XIRP2: variants seen among roughly 807,000 people sequenced by gnomAD.
XIRP2 encodes xin actin binding repeat containing 2, also known as xin actin-binding repeat-containing protein 2.
A neutral mutation model predicts 277.0 loss-of-function variants in XIRP2; 236 were observed. That is an observed-to-expected ratio of 0.85 (90% CI 0.77 to 0.95). The LOEUF is 0.95. Among genes scored for constraint, XIRP2 ranks in the 40% least tolerant of loss-of-function variants. The probability of loss-of-function intolerance (pLI) is 0.00; values close to 1 mark genes in which losing one functional copy is unlikely to be tolerated. For missense variants in XIRP2, 4,640 were observed against 4,157.5 expected (o/e 1.12, Z -3.19); for synonymous variants, 1,490 against 1,416.5 (o/e 1.05, Z -1.17).
intron 2 of XIRP2, among the ~76,000 whole-genome samples, chr2:167,006,728 T>G (rs1687513465): frequency 6.6e-6 from 1 of 151,712 alleles, no homozygotes; most frequent in South Asian, 2.1e-4. Flanking sequence ...TAAAAAATCC[T>G]TAGGGTGAAT....
At chr2:166,963,964 T>C (rs1686362799) in intron 2 of XIRP2, among the ~76,000 whole-genome samples, 1 of 151,674 alleles carries the variant, frequency 6.6e-6, no homozygotes, top group African/African-American at 2.4e-5. Flanking sequence ...GTTCTAAAGT[T>C]AAAGGAGGAA....
At chr2:167,079,651 A>T (rs116775761) in intron 2 of XIRP2, among the ~76,000 whole-genome samples, 2,151 of 151,932 alleles carry the variant, frequency 0.014, 58 homozygotes, top group African/African-American at 0.05. Flanking sequence ...CTCTCTGAGG[A>T]TCTTTTTTAT....
chr2:167,244,818 C>G lies in XIRP2; in HGVS notation c.3426C>G (p.Asp1142Glu), dbSNP rs1695195530. 6.2e-7 allele frequency: 1 copy of G among 1,613,624 alleles called. No homozygotes were observed. The highest frequency in any genetic ancestry group is 8.5e-7 in the Non-Finnish European group (1 of 1,179,724). The change falls in exon 9 of 11, where the codon GAC (aspartate) becomes GAG (glutamate). Residue 1142 changes from aspartate to glutamate, a missense_variant. By Grantham distance (45) the Asp-to-Glu change is conservative. Coordinates refer to ENST00000409195, the MANE Select transcript of XIRP2 (RefSeq NM_152381.6). ...ETQPLDTIKD[D>E]SETAVKLQTV... is the part of the protein sequence containing the mutation. ...AGCCACTTGATACCATAAAAGATGACTCTGAAACAGCAGTCAAATTGCAAA... is the reference window on the plus strand; with the variant it reads ...AGCCACTTGATACCATAAAAGATGAGTCTGAAACAGCAGTCAAATTGCAAA...
intron 4 of XIRP2, among the ~76,000 whole-genome samples, chr2:167,215,045 G>T (rs1048282712): frequency 6.6e-6 from 1 of 152,080 alleles, no homozygotes; most frequent in South Asian, 2.1e-4. Context: ...AAACAGCAAG[G>T]TTCTTCTTAA....
chr2:167,035,850 G>T (rs866195504), intron 2 of XIRP2, among the ~76,000 whole-genome samples: 1 of 152,162 alleles, frequency 6.6e-6, no homozygotes, highest in African/African-American at 2.4e-5. Flanking sequence ...TTAACCCATG[G>T]CCCCTATGCT....
At position 167,214,222 on chromosome 2, in the gene XIRP2, G is replaced by GGAAGGA. The variant is rs1559024035; in HGVS notation, c.723+3327_723+3328insGAAGGA. Among the ~76,000 whole-genome samples, 26 of 68,448 alleles carry GGAAGGA rather than the reference G, an allele frequency of 3.8e-4. 1 individual carries two copies. Among genetic ancestry groups the GGAAGGA allele is most frequent in the African/African-American group, 2.5e-3 (22 of 8,842 alleles). 44.9% of individuals were successfully genotyped at this position (68,448 alleles called of 152,430 possible). A position where few individuals can be genotyped will look rare whatever the true frequency, so the allele number is the denominator to read the frequency against. ...AGAGAAAGAGAGGGAGGGAGGGAGG[G>GGAAGGA]AGGGAGGAAGGAAGGAAGGAAGGAA... On this transcript the variant is annotated intron_variant, in intron 4 of 10. Coordinates refer to ENST00000409195, the MANE Select transcript of XIRP2 (RefSeq NM_152381.6).
intron 2 of XIRP2, among the ~76,000 whole-genome samples, chr2:167,031,289 G>A (rs925912058): frequency 6.6e-6 from 1 of 152,020 alleles, no homozygotes; most frequent in East Asian, 1.9e-4. Flanking sequence ...TCATAGTGTT[G>A]ATGGTCTTTA....
At chr2:167,069,024 A>G (rs1251799163) in intron 2 of XIRP2, among the ~76,000 whole-genome samples, 1 of 152,114 alleles carries the variant, frequency 6.6e-6, no homozygotes, top group African/African-American at 2.4e-5. Context: ...TTGTCCCTCA[A>G]TATCCATGGA....
At chr2:167,053,484 T>G (rs548082151) in intron 2 of XIRP2, among the ~76,000 whole-genome samples, 1 of 152,266 alleles carries the variant, frequency 6.6e-6, no homozygotes, top group African/African-American at 2.4e-5. Context: ...TTTATTAATC[T>G]CTGTATGTCA....
At chr2:166,889,836 T>G (rs182751868) in intron 1 of XIRP2, 1 of 102,220 alleles carries the variant, frequency 9.8e-6, no homozygotes, top group East Asian at 2.3e-4. Flanking sequence ...TTTCTTCCCC[T>G]TTTTGGGGTA....
At chr2:167,054,975 T>C (rs910019563) in intron 2 of XIRP2, among the ~76,000 whole-genome samples, 4 of 152,226 alleles carry the variant, frequency 2.6e-5, no homozygotes, top group African/African-American at 9.6e-5. Context: ...CAACCATTTG[T>C]TTAGCTCACT....
chr2:166,946,007 C>T (rs1685853286), intron 2 of XIRP2, among the ~76,000 whole-genome samples: 1 of 152,110 alleles, frequency 6.6e-6, no homozygotes, highest in Non-Finnish European at 1.5e-5. Context: ...TCATTTGCCA[C>T]CTTGGTCCAC....
intron 3 of XIRP2, among the ~76,000 whole-genome samples, chr2:167,201,344 A>AGAAG (rs374953132): frequency 0.014 from 1,420 of 102,920 alleles, 17 homozygotes; most frequent in Non-Finnish European, 0.018. Context: ...AAGGAAGGAA[A>AGAAG]GAAGGAAGGA....
chr2:167,012,470 A>G (rs1687707290), intron 2 of XIRP2, among the ~76,000 whole-genome samples: 1 of 151,710 alleles, frequency 6.6e-6, no homozygotes, highest in Non-Finnish European at 1.5e-5. Flanking sequence ...AAAGAAATGA[A>G]CAAAGTAAAA....
intron 2 of XIRP2, among the ~76,000 whole-genome samples, chr2:166,995,965 A>G (rs1687210998): frequency 6.6e-6 from 1 of 151,842 alleles, no homozygotes; most frequent in Non-Finnish European, 1.5e-5. Context: ...ACCTAAATTA[A>G]CTCTACTTGA....
At chr2:167,011,957 C>G (rs917808936) in intron 2 of XIRP2, among the ~76,000 whole-genome samples, 1 of 151,890 alleles carries the variant, frequency 6.6e-6, no homozygotes, top group Non-Finnish European at 1.5e-5. Flanking sequence ...TTTGATTCTT[C>G]TCTCTTTTCT....
intron 1 of XIRP2, among the ~76,000 whole-genome samples, chr2:166,899,210 T>C (rs1439189232): frequency 6.6e-6 from 1 of 152,128 alleles, no homozygotes; most frequent in Non-Finnish European, 1.5e-5. Context: ...ATACATGTTA[T>C]ACACATAAAG....
In XIRP2 at chr2:167,248,220, T is replaced by C; in HGVS notation, c.6828T>C (p.Phe2276=). The C allele has an allele frequency of 6.2e-7, 1 of 1,613,708 alleles. No homozygotes were observed. The highest frequency in any genetic ancestry group is 8.5e-7 in the Non-Finnish European group (1 of 1,179,782). Residue 2276 remains phenylalanine (F), a synonymous_variant, in exon 9 of 11, where the codon TTT becomes TTC. Coordinates refer to ENST00000409195, the MANE Select transcript of XIRP2 (RefSeq NM_152381.6). ...AAAGGTCCTTGAATCCAATCAACTTTAACCCTGAGAATAATGTAAAAGAAA... is the reference window on the plus strand; with the variant it reads ...AAAGGTCCTTGAATCCAATCAACTTCAACCCTGAGAATAATGTAAAAGAAA... The part of the protein sequence containing the change: ...AMERSLNPIN[F]NPENNVKESE...
At chr2:167,170,271 T>A (rs1008552066) in intron 3 of XIRP2, among the ~76,000 whole-genome samples, 6 of 152,162 alleles carry the variant, frequency 3.9e-5, no homozygotes, top group East Asian at 3.8e-4. Flanking sequence ...TCTCTTTCTT[T>A]TAATTCCCTT....
Sources: gnomAD v4.1 joint callset for allele counts (sites outside exome capture counted in the v4.1 genomes callset) on GRCh38, gnomAD v4.1.1 for gene constraint, MANE v1.5 for transcripts, NCBI Gene and HGNC (gene_info 2026-07-23, HGNC 2026-07-21) for gene names.